The following SYNE1 variants were observed in gnomAD, a reference collection of about 807,000 sequenced individuals.
SYNE1 encodes the protein nesprin-1.
SYNE1 carries 616 observed loss-of-function variants against 1,111.0 expected under a neutral mutation model. The ratio of observed to expected loss-of-function variants is 0.55; its 90% confidence interval spans 0.52 to 0.59. SYNE1 has a LOEUF of 0.59. Among genes scored for constraint, SYNE1 ranks in the 20% least tolerant of loss-of-function variants. The probability of loss-of-function intolerance (pLI) is 0.00; values close to 1 mark genes in which losing one functional copy is unlikely to be tolerated. For missense variants in SYNE1, 10,006 were observed against 10,417.0 expected (o/e 0.96, Z 1.72); for synonymous variants, 3,855 against 3,825.8 (o/e 1.01, Z -0.28).
intron 128 of SYNE1, among the ~76,000 whole-genome samples, chr6:152,183,732 G>T (rs143611320): frequency 7.0e-4 from 107 of 152,264 alleles, no homozygotes; most frequent in African/African-American, 2.5e-3. Context: ...CAGGGAGGAT[G>T]GTCCCAAAAT....
intron 115 of SYNE1, among the ~76,000 whole-genome samples, 175 bp downstream of exon 115, chr6:152,230,372 C>T (rs2082505289): frequency 6.6e-6 from 1 of 151,420 alleles, no homozygotes; most frequent in South Asian, 2.1e-4. Flanking sequence ...TGAAAAAAAC[C>T]TAATGTATTT....
Position 152,321,888 on chromosome 6 carries a change from T to C in SYNE1, c.15918-2A>G. 1 of 1,613,884 alleles carries C rather than the reference T, an allele frequency of 6.2e-7. No individual in the cohort carries two copies. Among genetic ancestry groups the C allele is most frequent in the Non-Finnish European group, 8.5e-7 (1 of 1,179,834 alleles). On this transcript the variant is annotated splice_acceptor_variant, in intron 82 of 145. Transcript: ENST00000367255. LOFTEE classifies it high-confidence loss of function. ...TTAGTCTTCACTTTCTCCTGCATGC[T>C]TCAGAAACATTACAGGGATAAAACA...
At chr6:152,632,068 A>G (rs1273871728) in intron 2 of SYNE1, among the ~76,000 whole-genome samples, 1 of 152,138 alleles carries the variant, frequency 6.6e-6, no homozygotes, top group Non-Finnish European at 1.5e-5. Flanking sequence ...AACGATCCAT[A>G]CTATCCTAGG....
intron 121 of SYNE1, among the ~76,000 whole-genome samples, chr6:152,215,546 T>A (rs987232659): frequency 1.3e-5 from 2 of 152,176 alleles, no homozygotes; most frequent in African/African-American, 4.8e-5. Context: ...GGATGAAAAT[T>A]ATGCTGATAA....
intron 132 of SYNE1, among the ~76,000 whole-genome samples, chr6:152,155,596 T>C (rs1000723906): frequency 2.6e-5 from 4 of 152,232 alleles, no homozygotes; most frequent in Non-Finnish European, 5.9e-5. Flanking sequence ...TATTTAATTT[T>C]TAATAAAAGA....
chr6:152,126,182 T>C (rs2053363703), intron 145 of SYNE1: 1 of 152,178 alleles, frequency 6.6e-6, no homozygotes, highest in African/African-American at 2.4e-5. Flanking sequence ...CAATATTCAG[T>C]GACTGTCCGT....
intron 101 of SYNE1, among the ~76,000 whole-genome samples, chr6:152,260,034 G>T (rs572952829): frequency 3.7e-4 from 56 of 152,280 alleles, no homozygotes; most frequent in African/African-American, 1.2e-3. Context: ...GGCTCCAACT[G>T]AGAGCAAAAG....
chr6:152,201,401 T>C (rs1468287759), intron 127 of SYNE1, among the ~76,000 whole-genome samples: 2 of 151,984 alleles, frequency 1.3e-5, no homozygotes, highest in Non-Finnish European at 2.9e-5. Context: ...CCCCTTTCCT[T>C]GCATAATGGT....
chr6:152,426,014 AG>A (rs1262403516), intron 38 of SYNE1, among the ~76,000 whole-genome samples: 5 of 152,222 alleles, frequency 3.3e-5, no homozygotes, highest in African/African-American at 1.2e-4. Context: ...CTTTCTATTT[AG>A]AGTCTAGATT....
Position 152,180,232 on chromosome 6 carries a change from C to T in SYNE1, c.23364G>A (p.Lys7788=). 6.2e-7 allele frequency: 1 copy of T among 1,614,130 alleles called. No homozygotes were observed. Among genetic ancestry groups the T allele is most frequent in the Non-Finnish European group, 8.5e-7 (1 of 1,180,006 alleles). The stretch of plus-strand genomic sequence containing the variant: ...TCAACCACTCACAGAGTTCCTTGTT[C>T]TTTTCACTGAAGACTGCCCATTCAT... ...RLNEWAVFSE[K]NKELCEWLTQ... is the part of the protein sequence containing the mutation. Residue 7788 remains lysine (K), a synonymous_variant, in exon 129 of 146, where the codon AAG becomes AAA. Coordinates refer to ENST00000367255, the MANE Select transcript of SYNE1 (RefSeq NM_182961.4).
chr6:152,610,785 CAG>C (rs1446008696), intron 3 of SYNE1, among the ~76,000 whole-genome samples: 4 of 152,204 alleles, frequency 2.6e-5, no homozygotes, highest in Non-Finnish European at 5.9e-5. Flanking sequence ...ATCAGACTAA[CAG>C]TGGATCTCTC....
At chr6:152,223,002 G>C (rs1162382898) in intron 117 of SYNE1, among the ~76,000 whole-genome samples, 1 of 152,170 alleles carries the variant, frequency 6.6e-6, no homozygotes, top group East Asian at 1.9e-4. Flanking sequence ...GACAGACTCA[G>C]TTCTTCATAA....
chr6:152,350,706 G>A lies in SYNE1; in HGVS notation c.11645C>T (p.Ala3882Val), dbSNP rs752886966. The change falls in exon 71 of 146, where the codon GCT becomes GTT. Residue 3882 changes from alanine (A) to valine (V), a missense_variant. This residue lies in a region of SYNE1 where 4,955 missense variants were observed against 5,017.2 expected (regional missense o/e 0.99). Transcript: ENST00000367255. ...SVKSVREKGEALLELVQDVTL... is the reference protein window; with the variant it reads ...SVKSVREKGEVLLELVQDVTL... ...GACGTCCTGCACCAGTTCCAAAAGA[G>A]CTTCACCCTTCTCTCTCACTGACTT... The A allele has an allele frequency of 1.2e-6, 2 of 1,614,012 alleles. No homozygotes were observed. Among genetic ancestry groups the A allele is most frequent in the Non-Finnish European group, 1.7e-6 (2 of 1,180,010 alleles).
intron 63 of SYNE1, chr6:152,363,688 G>T (rs2096991733): frequency 2.2e-6 from 1 of 453,726 alleles, no homozygotes; most frequent in Non-Finnish European, 4.4e-6. Flanking sequence ...ACTTCTAATT[G>T]CTCCTAGATC....
chr6:152,504,459 G>A (rs2099046797), intron 9 of SYNE1, among the ~76,000 whole-genome samples: 1 of 152,106 alleles, frequency 6.6e-6, no homozygotes, highest in Non-Finnish European at 1.5e-5. Flanking sequence ...GAGTAGATTG[G>A]TGGTTACCAG....
intron 16 of SYNE1, among the ~76,000 whole-genome samples, chr6:152,468,630 A>C (rs891321633): frequency 1.3e-5 from 2 of 152,232 alleles, no homozygotes; most frequent in Non-Finnish European, 2.9e-5. Flanking sequence ...AACACTTAAA[A>C]AAAGTATTCT....
chr6:152,412,293 G>A (rs1228016864), intron 42 of SYNE1, among the ~76,000 whole-genome samples: 3 of 151,874 alleles, frequency 2.0e-5, no homozygotes, highest in South Asian at 4.2e-4. Flanking sequence ...GTGTGGTGGC[G>A]GGCACCTGCT....
intron 88 of SYNE1, 23 bp downstream of exon 88, chr6:152,310,665 T>G: frequency 6.2e-7 from 1 of 1,611,374 alleles, no homozygotes; most frequent in Non-Finnish European, 8.5e-7. Flanking sequence ...TTTTTTCTGT[T>G]TCTTTTTTTT....
rs1034012485 is a variant in SYNE1, at chr6:152,463,629, T to G, written c.1933-112A>C. 15 of 950,110 alleles carry G rather than the reference T, an allele frequency of 1.6e-5. No homozygotes were observed. The African/African-American group carries it at 2.3e-4, about 15-fold the overall frequency. The allele number at this position is 950,110 out of a possible 1,614,324, so 58.9% of individuals were successfully genotyped here. On this transcript the variant is annotated intron_variant, in intron 18 of 145. Coordinates refer to ENST00000367255, the MANE Select transcript of SYNE1 (RefSeq NM_182961.4). ...TTTGTTTTAACATTCATGTGAATTT[T>G]AAGATAAATCACAAATCTCTTTAAA...
Sources: allele counts gnomAD v4.1 joint callset (sites outside exome capture counted in the v4.1 genomes callset), GRCh38; gene constraint gnomAD v4.1.1; regional missense constraint gnomAD v4.1.1; transcripts MANE v1.5; gene names NCBI Gene and HGNC (gene_info 2026-07-23, HGNC 2026-07-21).